Variants in RTN1 observed in about 807,000 individuals in gnomAD.
The protein encoded by RTN1 is reticulon 1, also known as reticulon-1.
RTN1 carries 25 observed loss-of-function variants against 65.5 expected under a neutral mutation model. That is an observed-to-expected ratio of 0.38 (90% confidence interval 0.28 to 0.53). The LOEUF (loss-of-function observed/expected upper bound fraction) is 0.53, where lower values mean the gene tolerates loss of function less well. Ranked by LOEUF, RTN1 falls within the 20% of genes least tolerant of loss-of-function variation. RTN1 has a pLI of 0.79. For missense variants in RTN1, 983 were observed against 1,025.4 expected, an observed-to-expected ratio of 0.96 and a Z score of 0.57; for synonymous variants, 471 against 447.6, an observed-to-expected ratio of 1.05 and a Z score of -0.66.
At chr14:59,620,917 C>T (rs1046405602) in intron 3 of RTN1, among the ~76,000 whole-genome samples, 4 of 152,148 alleles carry the variant, frequency 2.6e-5, no homozygotes, top group Admixed American at 6.6e-5. Flanking sequence ...GACGGACAGT[C>T]TAGATGGCTG....
intron 3 of RTN1, among the ~76,000 whole-genome samples, chr14:59,706,970 A>G (rs556994391): frequency 2.0e-5 from 3 of 152,248 alleles, no homozygotes; most frequent in South Asian, 2.1e-4. Flanking sequence ...GTTAAAAGCA[A>G]CTCCTGGAGA....
intron 1 of RTN1, among the ~76,000 whole-genome samples, chr14:59,791,100 CATT>C (rs1366055401): frequency 2.0e-5 from 3 of 152,118 alleles, no homozygotes; most frequent in East Asian, 3.8e-4. Context: ...GAAAAGCAAT[CATT>C]GAGGTAAGAT....
intron 3 of RTN1, among the ~76,000 whole-genome samples, chr14:59,636,776 TTACAC>T (rs1307514632): frequency 2.6e-5 from 4 of 152,230 alleles, no homozygotes; most frequent in African/African-American, 9.6e-5. Context: ...AAAGTAATGT[TTACAC>T]TATACTGTAG....
At chr14:59,859,842 G>C (rs1308738703) in intron 1 of RTN1, among the ~76,000 whole-genome samples, 1 of 152,210 alleles carries the variant, frequency 6.6e-6, no homozygotes, top group African/African-American at 2.4e-5. Flanking sequence ...CCTTGCCCTA[G>C]AGATTTGTGG....
intron 3 of RTN1, among the ~76,000 whole-genome samples, chr14:59,698,902 T>C (rs1036369635): frequency 6.6e-6 from 1 of 152,192 alleles, no homozygotes; most frequent in Non-Finnish European, 1.5e-5. Flanking sequence ...ATTTCTGAAC[T>C]TTTAGTTGTA....
chr14:59,834,983 A>G (rs1245885350), intron 1 of RTN1, among the ~76,000 whole-genome samples: 1 of 152,234 alleles, frequency 6.6e-6, no homozygotes, highest in Non-Finnish European at 1.5e-5. Flanking sequence ...TTTATGATCC[A>G]GCCATTCTAC....
At chr14:59,602,490 A>G (rs1881610337) in intron 8 of RTN1, among the ~76,000 whole-genome samples, 1 of 152,154 alleles carries the variant, frequency 6.6e-6, no homozygotes, top group Non-Finnish European at 1.5e-5. Flanking sequence ...CTCCTAATAT[A>G]TAAGGGAGCC....
At chr14:59,694,863 C>T (rs1044942562) in intron 3 of RTN1, among the ~76,000 whole-genome samples, 4 of 152,168 alleles carry the variant, frequency 2.6e-5, no homozygotes, top group Non-Finnish European at 5.9e-5. Context: ...AGGAGGCTGA[C>T]AGATCTCAGA....
intron 1 of RTN1, among the ~76,000 whole-genome samples, chr14:59,755,414 A>C (rs1168386832): frequency 6.6e-6 from 1 of 152,206 alleles, no homozygotes; most frequent in Non-Finnish European, 1.5e-5. Context: ...AGAGAGGTGC[A>C]TATTAAAATT....
chr14:59,850,540 C>T (rs1012035377), intron 1 of RTN1, among the ~76,000 whole-genome samples: 1 of 152,138 alleles, frequency 6.6e-6, no homozygotes, highest in African/African-American at 2.4e-5. Context: ...ATATACATTT[C>T]GAAGACAGAA....
At chr14:59,607,211 T>A (rs1465362368) in intron 4 of RTN1, 74 bp downstream of exon 4, 3 of 1,323,416 alleles carry the variant, frequency 2.3e-6, no homozygotes, top group Non-Finnish European at 3.2e-6. Context: ...CTCAAGTGCA[T>A]CTGTGAGCTG....
intron 3 of RTN1, among the ~76,000 whole-genome samples, chr14:59,631,270 G>C (rs923388694): frequency 6.6e-6 from 1 of 152,194 alleles, no homozygotes; most frequent in Non-Finnish European, 1.5e-5. Flanking sequence ...TCTGTTTGTG[G>C]GTTGAAGGAA....
At chr14:59,692,732 G>C (rs976631473) in intron 3 of RTN1, among the ~76,000 whole-genome samples, 2 of 152,142 alleles carry the variant, frequency 1.3e-5, no homozygotes, top group African/African-American at 4.8e-5. Flanking sequence ...CAATGGAACA[G>C]AATAAAGAAC....
At chr14:59,804,914 A>G (rs1192404568) in intron 1 of RTN1, among the ~76,000 whole-genome samples, 1 of 152,220 alleles carries the variant, frequency 6.6e-6, no homozygotes, top group Non-Finnish European at 1.5e-5. Context: ...GGTTAAAGTG[A>G]GAATTTTGCA....
At chr14:59,783,637 C>T (rs1010153555) in intron 1 of RTN1, among the ~76,000 whole-genome samples, 2 of 152,106 alleles carry the variant, frequency 1.3e-5, no homozygotes, top group Admixed American at 6.5e-5. Flanking sequence ...ACTCAGAAAT[C>T]AAAGATGCAA....
rs1241290864 is a variant in RTN1, at chr14:59,749,560, TATATATAGA to T, written c.242-3088_242-3080del. 2.1e-3 allele frequency among the ~76,000 whole-genome samples: 99 copies of T among 47,278 alleles called. 29 individuals carry two copies. Among genetic ancestry groups the T allele is most frequent in the African/African-American group, 0.015 (80 of 5,356 alleles). 31.0% of individuals were successfully genotyped at this position (47,278 alleles called of 152,430 possible). A position where few individuals can be genotyped will look rare whatever the true frequency, so the allele number is the denominator to read the frequency against. On this transcript the variant is annotated intron_variant, in intron 1 of 8. Coordinates refer to ENST00000267484, the MANE Select transcript of RTN1 (RefSeq NM_021136.3). ...ATCTATATATATTTATATAGATATC[TATATATAGA>T]TATATATATATAGATATTTATATAT...
At chr14:59,819,414 A>ACCCCCCCCCCCCCC (rs1566737477) in intron 1 of RTN1, among the ~76,000 whole-genome samples, 2 of 31,862 alleles carry the variant, frequency 6.3e-5, no homozygotes, top group East Asian at 6.0e-4. Context: ...CACCACCACC[A>ACCCCCCCCCCCCCC]CCCCCCCCCC....
chr14:59,708,686 C>A lies in RTN1; in HGVS notation c.1765+18233G>T, dbSNP rs115409910. ...TGCAAATATTATTTAAGGCTTCCCC[C>A]TAAAAAGGAGCCACGGAATGCTTAT... On this transcript the variant is annotated intron_variant, in intron 3 of 8. Transcript: ENST00000267484. Among the ~76,000 whole-genome samples, 376 of 152,298 alleles carry A rather than the reference C, an allele frequency of 2.5e-3. 1 individual carries two copies. The highest frequency in any genetic ancestry group is 8.8e-3 in the African/African-American group (366 of 41,568).
intron 3 of RTN1, among the ~76,000 whole-genome samples, chr14:59,679,115 C>A (rs571955601): frequency 1.6e-4 from 24 of 152,206 alleles, no homozygotes; most frequent in African/African-American, 5.3e-4. Context: ...TAGGAATCTA[C>A]TAGAAAAAGG....
Sources: gnomAD v4.1 joint callset for allele counts (sites outside exome capture counted in the v4.1 genomes callset) on GRCh38, gnomAD v4.1.1 for gene constraint, MANE v1.5 for transcripts, NCBI Gene and HGNC (gene_info 2026-07-23, HGNC 2026-07-21) for gene names.